The following UBE3B variants were observed in gnomAD, a reference collection of about 807,000 sequenced individuals.
The protein encoded by UBE3B is ubiquitin protein ligase E3B, also known as ubiquitin-protein ligase E3B.
In UBE3B, 80 loss-of-function variants were observed where a neutral mutation model predicts 132.3. The ratio of observed to expected loss-of-function variants is 0.60; its 90% CI spans 0.50 to 0.73. The LOEUF is 0.73. Ranked by LOEUF, UBE3B falls within the 30% of genes least tolerant of loss-of-function variation. UBE3B has a pLI of 0.00. For synonymous variants in UBE3B, 487 were observed against 520.4 expected (o/e 0.94, Z 0.87); for missense variants, 1,196 against 1,362.5 (o/e 0.88, Z 1.92).
Position 109,523,963 on chromosome 12 carries a change from TCTC to T in UBE3B, c.2365-14_2365-12del, listed in dbSNP as rs1431720945. On this transcript the variant is annotated splice_polypyrimidine_tract_variant and intron_variant, in intron 21 of 27. Transcript: ENST00000342494. Reference sequence around the variant, plus strand: ...ATCCTGGCTGATGGACAGCTCTGCTTCTCTGCTCTCCCAGGGAATTGTGGTGGA... The same window carrying T: ...ATCCTGGCTGATGGACAGCTCTGCTTTGCTCTCCCAGGGAATTGTGGTGGA... 1.9e-5 allele frequency: 30 copies of T among 1,613,460 alleles called. No individual in the cohort carries two copies. The highest frequency in any genetic ancestry group is 2.5e-5 in the Non-Finnish European group (29 of 1,179,988).
At chr12:109,516,318 C>T (rs997413075) in intron 18 of UBE3B, among the ~76,000 whole-genome samples, 1 of 151,864 alleles carries the variant, frequency 6.6e-6, no homozygotes, top group Non-Finnish European at 1.5e-5. Flanking sequence ...ATTACAGGTG[C>T]ATGCCACCAC....
chr12:109,499,793 C>A lies in UBE3B; in HGVS notation c.1101C>A (p.Ser367=). The A allele has an allele frequency of 6.2e-7, 1 of 1,608,140 alleles. No individual in the cohort carries two copies. Among genetic ancestry groups the A allele is most frequent in the Non-Finnish European group, 8.5e-7 (1 of 1,176,798 alleles). The change falls in exon 12 of 28, where the codon TCC becomes TCA. Residue 367 remains serine (S), a synonymous_variant. Coordinates refer to ENST00000342494, the MANE Select transcript of UBE3B (RefSeq NM_130466.4). ...THWHPVLGWF[S]QSVDYGLNES... is the part of the protein sequence containing the mutation. ...GGCATCCTGTCCTTGGCTGGTTCTC[C>A]CAATCTGTGGATTATGGGTGAGTCC...
chr12:109,501,055 A>T (rs1262801599), intron 12 of UBE3B, among the ~76,000 whole-genome samples: 1 of 152,144 alleles, frequency 6.6e-6, no homozygotes, highest in Non-Finnish European at 1.5e-5. Flanking sequence ...GCCAGCTATG[A>T]GGAGGGAGGC....
At chr12:109,529,771 G>T in intron 24 of UBE3B, 119 bp from the exon 25 acceptor site, 1 of 1,144,880 alleles carries the variant, frequency 8.7e-7, no homozygotes, top group South Asian at 1.4e-5. Flanking sequence ...AAACACTCTG[G>T]TACTATTTGT....
Position 109,491,126 on chromosome 12 carries a change from C to T in UBE3B, c.712C>T (p.Arg238Cys), listed in dbSNP as rs752392755. The change falls in exon 9 of 28, where the codon CGC becomes TGC. Residue 238 changes from arginine to cysteine, a missense_variant and splice_region_variant. Coordinates refer to ENST00000342494, the MANE Select transcript of UBE3B (RefSeq NM_130466.4). Reference protein sequence around the residue: ...TLTAAFSLALRPVIAAQFSDN... With the variant: ...TLTAAFSLALCPVIAAQFSDN... ...AACAGCAGCTTTTTCTCTAGCGTTA[C>T]GGTGAGTAAGAAACCATAGCTGAGG... The T allele has an allele frequency of 7.4e-6, 12 of 1,613,766 alleles. No individual in the cohort carries two copies. Among genetic ancestry groups the T allele is most frequent in the Middle Eastern group, 1.6e-4 (1 of 6,080 alleles).
intron 15 of UBE3B, chr12:109,508,771 T>TTCAGATAGAGC (rs1455936172): frequency 1.0e-6 from 1 of 981,414 alleles, no homozygotes. Context: ...TTAGGAAATG[T>TTCAGATAGAGC]TCAGATAGAG....
intron 24 of UBE3B, chr12:109,528,323 A>T: frequency 2.0e-6 from 2 of 984,430 alleles, no homozygotes; most frequent in Non-Finnish European, 2.4e-6. Context: ...CCCCTTTCTC[A>T]GTAAAGTGGA....
Position 109,534,948 on chromosome 12 carries a change from C to G in UBE3B, c.*166C>G. The G allele has an allele frequency of 8.1e-6, 4 of 493,644 alleles. No individual in the cohort carries two copies. Among genetic ancestry groups the G allele is most frequent in the Non-Finnish European group, 1.4e-5 (4 of 292,308 alleles). The allele number at this position is 493,644 out of a possible 1,614,324, so 30.6% of individuals were successfully genotyped here. A position where few individuals can be genotyped will look rare whatever the true frequency, so the allele number is the denominator to read the frequency against. ...TGGCCTCAAGAAATTTAGACGCCCA[C>G]GACAGCACTACACAGCATCTCCAGG... On this transcript the variant is annotated 3_prime_UTR_variant, in exon 28 of 28. Transcript: ENST00000342494. This position sits in a 1 kb window ranked among gnomAD's most constrained non-coding sequence, Gnocchi z 5.2.
At chr12:109,490,206 A>G in intron 8 of UBE3B, 1 of 857,706 alleles carries the variant, frequency 1.2e-6, no homozygotes, top group South Asian at 1.4e-5. Context: ...TGGTGCTGGG[A>G]TCCCTTGAAT....
intron 9 of UBE3B, chr12:109,492,750 A>G (rs1313791112): frequency 6.6e-6 from 1 of 152,126 alleles, no homozygotes; most frequent in Non-Finnish European, 1.5e-5. Context: ...AAAAAAAAAA[A>G]AAAGTCAAAA....
rs772602095 is a variant in UBE3B at position 109,497,872 on chromosome 12, C to T, written c.768C>T (p.His256=). The T allele has an allele frequency of 3.7e-6, 6 of 1,614,108 alleles. No homozygotes were observed. Among genetic ancestry groups the T allele is most frequent in the East Asian group, 2.2e-5 (1 of 44,900 alleles). ...ATCTGATTCGGCCGTTCCTCATCCA[C>T]ATCATGTCTGTGCCTGCTCTGGTGA... ...SDNLIRPFLI[H]IMSVPALVTH... The change falls in exon 10 of 28, where the codon CAC becomes CAT. Residue 256 remains histidine, a synonymous_variant. Coordinates refer to ENST00000342494, the MANE Select transcript of UBE3B (RefSeq NM_130466.4).
chr12:109,521,393 C>T lies in UBE3B; in HGVS notation c.2254-48C>T, dbSNP rs779945321. 16 of 1,594,944 alleles carry T rather than the reference C, an allele frequency of 1.0e-5. No individual in the cohort carries two copies. The South Asian group carries it at 1.6e-4, about 16-fold the overall frequency. On this transcript the variant is annotated intron_variant, in intron 20 of 27. Coordinates refer to ENST00000342494, the MANE Select transcript of UBE3B (RefSeq NM_130466.4). The surrounding 1 kb of genome is among the most constrained non-coding windows in gnomAD (Gnocchi z 4.2). ...AAGAAGTGAAGAGCTGGGCTTGCTC[C>T]TTGCAAGGCACTTGACCTCTGCCTC...
intron 26 of UBE3B, among the ~76,000 whole-genome samples, chr12:109,531,724 C>T (rs1455425493): frequency 2.0e-5 from 3 of 152,044 alleles, no homozygotes; most frequent in African/African-American, 7.3e-5. Flanking sequence ...GATGGGCAGG[C>T]AGACAGAATT....
chr12:109,488,829 G>T (rs998090564), intron 7 of UBE3B, among the ~76,000 whole-genome samples, 161 bp downstream of exon 7: 1 of 152,162 alleles, frequency 6.6e-6, no homozygotes, highest in Non-Finnish European at 1.5e-5. Flanking sequence ...AGACTGCATC[G>T]CAGTATCCAC....
chr12:109,490,990 AC>A, intron 8 of UBE3B, 54 bp from the exon 9 acceptor site: 1 of 1,576,906 alleles, frequency 6.3e-7, no homozygotes, highest in Non-Finnish European at 8.7e-7. Context: ...TCTTTTATGT[AC>A]AAATGAATAT....
intron 8 of UBE3B, chr12:109,490,775 T>A (rs1298408712): frequency 1.5e-5 from 20 of 1,375,938 alleles, no homozygotes; most frequent in Non-Finnish European, 1.8e-5. Flanking sequence ...CTTTCTTCCC[T>A]TTCCTTTTAT....
At chr12:109,530,180 T>A (rs2136125966) in intron 25 of UBE3B, 108 bp downstream of exon 25, 3 of 1,274,840 alleles carry the variant, frequency 2.4e-6, no homozygotes, top group South Asian at 2.7e-5. Flanking sequence ...TGTCTCCAGA[T>A]CTCCTTCTCC....
rs112367569 is a variant in UBE3B, at chr12:109,509,460, T to A, written c.1623-136T>A. 3,630 of 590,018 alleles carry A rather than the reference T, an allele frequency of 6.2e-3. 55 individuals carry two copies. The highest frequency in any genetic ancestry group is 0.039 in the African/African-American group (2,112 of 53,634). The allele number at this position is 590,018 out of a possible 1,614,324, so 36.5% of individuals were successfully genotyped here. On this transcript the variant is annotated intron_variant, in intron 15 of 27. Coordinates refer to ENST00000342494, the MANE Select transcript of UBE3B (RefSeq NM_130466.4). ...TGATGATATCATATCATTTTATCTG[T>A]AGATTTTACAGTAAGTATCTCTACA...
intron 9 of UBE3B, chr12:109,491,497 T>TAAGGAAATAATGTGAATACGCATGTAA (rs1280955367): frequency 2.3e-5 from 4 of 176,374 alleles, no homozygotes; most frequent in African/African-American, 9.4e-5. Context: ...GTGAGAGGAT[T>TAAGGAAATAATGTGAATACGCATGTAA]AAGGAAATAA....
Sources: gnomAD v4.1 joint callset for allele counts (sites outside exome capture counted in the v4.1 genomes callset) on GRCh38, gnomAD v4.1.1 for gene constraint, Gnocchi (gnomAD v3.1) non-coding constraint, MANE v1.5 for transcripts, NCBI Gene and HGNC (gene_info 2026-07-23, HGNC 2026-07-21) for gene names.